CANX: variants seen among roughly 807,000 people sequenced by gnomAD.
The protein encoded by CANX is calnexin.
In CANX, 14 loss-of-function variants were observed where a neutral mutation model predicts 75.7. That is an observed-to-expected ratio of 0.19 (90% CI 0.12 to 0.29). The LOEUF (loss-of-function observed/expected upper bound fraction) is 0.29, where lower values mean the gene tolerates loss of function less well. Among genes scored for constraint, CANX ranks in the 10% least tolerant of loss-of-function variants. CANX has a pLI of 1.00. For missense variants in CANX, 567 were observed against 713.2 expected (o/e 0.79, Z 2.34); for synonymous variants, 227 against 236.9 (o/e 0.96, Z 0.38).
At chr5:179,696,853 A>C (rs569976713), upstream of CANX, among the ~76,000 whole-genome samples, 4 of 152,324 alleles carry the variant, frequency 2.6e-5, no homozygotes, top group South Asian at 6.2e-4. Flanking sequence ...TGTTTTTACA[A>C]ATTGAATGTG....
intron 3 of CANX, among the ~76,000 whole-genome samples, chr5:179,706,711 C>T (rs1777163782): frequency 6.6e-6 from 1 of 152,162 alleles, no homozygotes; most frequent in African/African-American, 2.4e-5. Context: ...CTTGCCTTAG[C>T]CTCCCAAATT....
At chr5:179,680,988 C>A in intron 1 of CANX, 1 of 1,379,558 alleles carries the variant, frequency 7.2e-7, no homozygotes, top group Non-Finnish European at 9.9e-7. Context: ...TATGTTGTGC[C>A]TCACCTGGAA....
At chr5:179,712,117 G>GTTT (rs766549898) in intron 7 of CANX, among the ~76,000 whole-genome samples, 2 of 127,804 alleles carry the variant, frequency 1.6e-5, no homozygotes, top group African/African-American at 5.6e-5. Flanking sequence ...AAAAAAAGGT[G>GTTT]TTTTTTTTTT....
intron 7 of CANX, among the ~76,000 whole-genome samples, chr5:179,713,284 T>C (rs1777703750): frequency 6.6e-6 from 1 of 152,090 alleles, no homozygotes; most frequent in South Asian, 2.1e-4. Flanking sequence ...TTGGCCAGGC[T>C]GATCTCAAAC....
intron 8 of CANX, among the ~76,000 whole-genome samples, chr5:179,718,878 C>A (rs1160379180): frequency 6.7e-6 from 1 of 150,136 alleles, no homozygotes; most frequent in Non-Finnish European, 1.5e-5. Flanking sequence ...TTGGTCAGGC[C>A]GGTCTTGAAC....
At chr5:179,695,110 C>T (rs1776369378), upstream of CANX, among the ~76,000 whole-genome samples, 3 of 152,040 alleles carry the variant, frequency 2.0e-5, no homozygotes, top group African/African-American at 2.4e-5. Context: ...AGTGCAGTGG[C>T]GCGATCTCAG....
intron 1 of CANX, among the ~76,000 whole-genome samples, chr5:179,691,497 C>T (rs886291311): frequency 2.1e-4 from 32 of 151,796 alleles, no homozygotes; most frequent in African/African-American, 6.8e-4. Flanking sequence ...CCTTTAAGCC[C>T]AGGAGTTTGA....
chr5:179,720,591 C>T (rs1282754587), intron 10 of CANX, 31 bp downstream of exon 10: 4 of 1,602,072 alleles, frequency 2.5e-6, no homozygotes, highest in Non-Finnish European at 3.4e-6. Flanking sequence ...GAGTTGCTTT[C>T]ATTAATCTGT....
At chr5:179,679,958 CTTTTTT>C (rs34916199) in intron 1 of CANX, among the ~76,000 whole-genome samples, 9 of 59,350 alleles carry the variant, frequency 1.5e-4, no homozygotes, top group Non-Finnish European at 2.5e-4. Context: ...TGCGCCTGGC[CTTTTTT>C]TTTTTTTTTT....
At chr5:179,715,815 G>GTT (rs1195140945) in intron 7 of CANX, 3 of 422,074 alleles carry the variant, frequency 7.1e-6, no homozygotes, top group African/African-American at 2.1e-5. Flanking sequence ...GTAGTTTCTT[G>GTT]TTTTTTTTGT....
At chr5:179,715,812 CTTGTTTTTT>C (rs1777906159) in intron 7 of CANX, 11 of 415,722 alleles carry the variant, frequency 2.6e-5, no homozygotes, top group East Asian at 5.5e-5. Flanking sequence ...TATGTAGTTT[CTTGTTTTTT>C]TTGTTTTTTT....
In CANX at chr5:179,716,085, C is replaced by G. The variant is rs372457737; in HGVS notation, c.722-20C>G. Reference sequence around the variant, plus strand: ...CTTGGAAAATTAAGTACTTTTAATTCCATTTAATGTTTCTTTCAGTCTTGA... The same window carrying G: ...CTTGGAAAATTAAGTACTTTTAATTGCATTTAATGTTTCTTTCAGTCTTGA... On this transcript the variant is annotated intron_variant, in intron 7 of 14. Coordinates refer to ENST00000247461, the MANE Select transcript of CANX (RefSeq NM_001746.4). 49 of 1,539,522 alleles carry G rather than the reference C, an allele frequency of 3.2e-5. No individual in the cohort carries two copies. Among genetic ancestry groups the G allele is most frequent in the Non-Finnish European group, 4.2e-5 (47 of 1,113,892 alleles).
At chr5:179,707,668 AT>A (rs1225656177) in intron 4 of CANX, among the ~76,000 whole-genome samples, 3 of 76,270 alleles carry the variant, frequency 3.9e-5, no homozygotes, top group East Asian at 3.9e-4. Flanking sequence ...TTTTTTTTTT[AT>A]TTAAGGTTCA....
Position 179,728,656 on chromosome 5 carries a change from G to A in CANX, c.*12G>A. 6.3e-7 allele frequency: 1 copy of A among 1,598,360 alleles called. No individual in the cohort carries two copies. The highest frequency in any genetic ancestry group is 8.6e-7 in the Non-Finnish European group (1 of 1,165,926). Reference sequence around the variant, plus strand: ...CACGAAGAGAGTGAAACAATCTTAAGAGCTTGATCTGTGATTTCTTCTCCC... The same window carrying A: ...CACGAAGAGAGTGAAACAATCTTAAAAGCTTGATCTGTGATTTCTTCTCCC... On this transcript the variant is annotated 3_prime_UTR_variant, in exon 15 of 15. Transcript: ENST00000247461.
chr5:179,707,735 C>T (rs902921985), intron 4 of CANX, among the ~76,000 whole-genome samples: 1 of 148,374 alleles, frequency 6.7e-6, no homozygotes, highest in East Asian at 2.0e-4. Context: ...ATCACCTGTG[C>T]TACTGAATGT....
chr5:179,701,000 C>G, intron 1 of CANX: 1 of 152,098 alleles, frequency 6.6e-6, no homozygotes, highest in Non-Finnish European at 1.5e-5. Context: ...GTAGCTGGGA[C>G]TACAGGTGCC....
rs760400717 is a variant in CANX, at chr5:179,722,987, G to C, written c.1366G>C (p.Gly456Arg). Residue 456 changes from glycine (G) to arginine (R), a missense_variant, in exon 11 of 15, where the codon GGC becomes CGC. Gly to Arg is a moderately radical substitution (Grantham distance 125, BLOSUM62 -2). Coordinates refer to ENST00000247461, the MANE Select transcript of CANX (RefSeq NM_001746.4). ...IVDDWANDGWGLKKAADGAAE... is the reference protein window; with the variant it reads ...IVDDWANDGWRLKKAADGAAE... Reference sequence around the variant, plus strand: ...TGATGATTGGGCCAATGATGGATGGGGCCTGAAGAAAGCTGCTGATGGGGC... The same window carrying C: ...TGATGATTGGGCCAATGATGGATGGCGCCTGAAGAAAGCTGCTGATGGGGC... The C allele has an allele frequency of 5.0e-6, 8 of 1,613,984 alleles. No homozygotes were observed. Among genetic ancestry groups the C allele is most frequent in the Non-Finnish European group, 6.8e-6 (8 of 1,180,006 alleles).
At chr5:179,682,085 T>C (rs1485589935) in intron 1 of CANX, among the ~76,000 whole-genome samples, 3 of 151,456 alleles carry the variant, frequency 2.0e-5, no homozygotes, top group Non-Finnish European at 2.9e-5. Context: ...ACTCCGTGTC[T>C]ACTAAAAATA....
At position 179,687,212 on chromosome 5, in the gene CANX, C is replaced by T. The variant is rs568410503; in HGVS notation, c.-4+8435C>T. ...CCACCTCCCGGGTTCAGGCCATTCT[C>T]CTGCCCCAGCCTCCCAAATAGCTGG... On this transcript the variant is annotated intron_variant, in intron 1 of 14. Coordinates refer to the CANX transcript ENST00000681674. Among the ~76,000 whole-genome samples the T allele has an allele frequency of 2.4e-4, 36 of 152,318 alleles. No individual in the cohort carries two copies. In the East Asian group the frequency reaches 6.2e-3, roughly 26 times the overall value.
Sources: allele counts gnomAD v4.1 joint callset (sites outside exome capture counted in the v4.1 genomes callset), GRCh38; gene constraint gnomAD v4.1.1; transcripts MANE v1.5; gene names NCBI Gene and HGNC (gene_info 2026-07-23, HGNC 2026-07-21).